FSIP2: variants seen among roughly 807,000 people sequenced by gnomAD.
FSIP2 encodes the protein fibrous sheath interacting protein 2.
FSIP2 carries 367 observed loss-of-function variants against 510.5 expected under a neutral mutation model. The observed-to-expected ratio is 0.72, with a 90% CI of 0.66 to 0.78. FSIP2 has a LOEUF of 0.78. FSIP2 is among the 30% of genes least tolerant of loss of function. The probability of loss-of-function intolerance (pLI) is 0.00; values close to 1 mark genes in which losing one functional copy is unlikely to be tolerated. For synonymous variants in FSIP2, 2,601 were observed against 2,732.2 expected, an observed-to-expected ratio of 0.95 and a Z score of 1.50; for missense variants, 7,594 against 7,901.7, an observed-to-expected ratio of 0.96 and a Z score of 1.48.
rs767939837 is a variant in FSIP2, at chr2:185,808,812, A to G, written c.19506A>G (p.Glu6502=). The change falls in exon 17 of 23, where the codon GAA becomes GAG. Residue 6502 remains glutamate, a synonymous_variant. Coordinates refer to ENST00000424728, the MANE Select transcript of FSIP2 (RefSeq NM_173651.4). ...AACATGCTTTTAATGTGATTCCTGA[A>G]TTAGAGCAAGAAAAGTTAGATCAAA... ...AQEHAFNVIP[E]LEQEKLDQNL... 10 of 1,612,926 alleles carry G rather than the reference A, an allele frequency of 6.2e-6. No homozygotes were observed. In the South Asian group the frequency reaches 8.8e-5, roughly 14 times the overall value.
chr2:185,793,604 C>T lies in FSIP2; in HGVS notation c.6468C>T (p.Ser2156=). The T allele has an allele frequency of 6.5e-7, 1 of 1,533,640 alleles. No homozygotes were observed. Among genetic ancestry groups the T allele is most frequent in the South Asian group, 1.2e-5 (1 of 84,004 alleles). The change falls in exon 16 of 23, where the codon TCC becomes TCT. Residue 2156 remains serine (S), a synonymous_variant. Transcript: ENST00000424728. The part of the protein sequence containing the change: ...SVPKSDVILI[S]NDIVNIVLHN... ...CTAAATCAGATGTCATTTTGATATC[C>T]AATGATATAGTGAATATTGTTCTTC...
Position 185,795,029 on chromosome 2 carries a change from C to T in FSIP2, c.7893C>T (p.Asp2631=). The change falls in exon 16 of 23, where the codon GAC becomes GAT. Residue 2631 remains aspartate (D), a synonymous_variant. Transcript: ENST00000424728. The stretch of plus-strand genomic sequence containing the variant: ...ATTTACCATTGCAAGTGAAGAAAGA[C>T]TTAATTCAAATGGTTCTCAATAAGA... ...LPYLPLQVKK[D]LIQMVLNKIT... 2 of 1,534,010 alleles carry T rather than the reference C, an allele frequency of 1.3e-6. No individual in the cohort carries two copies. Among genetic ancestry groups the T allele is most frequent in the Non-Finnish European group, 1.7e-6 (2 of 1,145,868 alleles).
At position 185,807,613 on chromosome 2, in the gene FSIP2, C is replaced by A. The variant is rs762581456; in HGVS notation, c.18307C>A (p.Gln6103Lys). ...LPQFGSQEIIQNCVTSGCKIL... is the reference protein window; with the variant it reads ...LPQFGSQEIIKNCVTSGCKIL... ...ACAGTTTGGATCACAAGAGATTATA[C>A]AAAATTGTGTAACCAGTGGATGCAA... Residue 6103 changes from glutamine (Q) to lysine (K), a missense_variant, in exon 17 of 23, where the codon CAA (glutamine) becomes AAA (lysine). Transcript: ENST00000424728. 6.2e-7 allele frequency: 1 copy of A among 1,612,760 alleles called. No homozygotes were observed. Among genetic ancestry groups the A allele is most frequent in the Non-Finnish European group, 8.5e-7 (1 of 1,179,268 alleles).
chr2:185,758,197 C>T (rs928150548), intron 9 of FSIP2, among the ~76,000 whole-genome samples: 1 of 151,084 alleles, frequency 6.6e-6, no homozygotes, highest in African/African-American at 2.4e-5. Flanking sequence ...ATGGATGCAC[C>T]AGTTTGTTTT....
chr2:185,804,958 T>A lies in FSIP2; in HGVS notation c.15652T>A (p.Ser5218Thr). 1 of 1,536,980 alleles carries A rather than the reference T, an allele frequency of 6.5e-7. No individual in the cohort carries two copies. The highest frequency in any genetic ancestry group is 2.4e-5 in the East Asian group (1 of 41,184). ...VQKDADKKGCSFLSKLAGFIM... is the reference protein window; with the variant it reads ...VQKDADKKGCTFLSKLAGFIM... ...AAAAGATGCAGACAAAAAAGGATGC[T>A]CATTCCTCAGTAAATTAGCTGGTTT... The change falls in exon 17 of 23, where the codon TCA (serine) becomes ACA (threonine). Residue 5218 changes from serine (S) to threonine (T), a missense_variant. By Grantham distance (58) the Ser-to-Thr change is moderately conservative (BLOSUM62 1). Coordinates refer to ENST00000424728, the MANE Select transcript of FSIP2 (RefSeq NM_173651.4).
At position 185,808,587 on chromosome 2, in the gene FSIP2, T is replaced by C. The variant is rs1274237351; in HGVS notation, c.19281T>C (p.Ser6427=). The C allele has an allele frequency of 1.9e-6, 3 of 1,610,446 alleles. No homozygotes were observed. Among genetic ancestry groups the C allele is most frequent in the East Asian group, 2.2e-5 (1 of 44,722 alleles). ...RIYQVVDSVY[S]NILQQSGTNK... ...ATCAGGTTGTCGATTCCGTTTATAG[T>C]AACATACTGCAACAATCAGGAACCA... Residue 6427 remains serine, a synonymous_variant, in exon 17 of 23, where the codon AGT becomes AGC. Coordinates refer to ENST00000424728, the MANE Select transcript of FSIP2 (RefSeq NM_173651.4).
chr2:185,771,714 C>G lies in FSIP2; in HGVS notation c.1411+7149C>G, dbSNP rs183369692. ...TTTTCCATTGTCTTGGTTGTTAACA[C>G]TTGGCCCCCTTTTAGTCATGCTAAT... On this transcript the variant is annotated intron_variant, in intron 13 of 22. Coordinates refer to ENST00000424728, the MANE Select transcript of FSIP2 (RefSeq NM_173651.4). 2.9e-4 allele frequency among the ~76,000 whole-genome samples: 44 copies of G among 152,304 alleles called. 1 individual carries two copies. The East Asian group carries it at 3.3e-3, about 11-fold the overall frequency.
chr2:185,776,048 T>C (rs1210057525), intron 13 of FSIP2, among the ~76,000 whole-genome samples: 1 of 152,154 alleles, frequency 6.6e-6, no homozygotes, highest in Non-Finnish European at 1.5e-5. Flanking sequence ...GACGGGTGCA[T>C]CGCTTGAGCT....
chr2:185,827,359 T>C (rs561855247), intron 20 of FSIP2, among the ~76,000 whole-genome samples: 1 of 151,922 alleles, frequency 6.6e-6, no homozygotes, highest in Non-Finnish European at 1.5e-5. Flanking sequence ...CATAGTTTTT[T>C]CTTATATGAT....
chr2:185,770,720 A>G (rs2105574951), intron 13 of FSIP2, among the ~76,000 whole-genome samples: 1 of 152,320 alleles, frequency 6.6e-6, no homozygotes, highest in East Asian at 1.9e-4. Flanking sequence ...TTTATATTGC[A>G]AAATACAATC....
rs1046696198 is a variant in FSIP2 at position 185,738,848 on chromosome 2, A to G, written c.-47A>G. The G allele has an allele frequency of 5.9e-6, 9 of 1,534,006 alleles. No individual in the cohort carries two copies. In the African/African-American group the frequency reaches 1.1e-4, roughly 19 times the overall value. ...CAGAGGGACAACGGGGTGCTAGAGA[A>G]GGAGAGCGGGGCGGGTGAGGAAGGG... On this transcript the variant is annotated 5_prime_UTR_variant, in exon 1 of 23. Coordinates refer to ENST00000424728, the MANE Select transcript of FSIP2 (RefSeq NM_173651.4).
Position 185,793,303 on chromosome 2 carries a change from A to G in FSIP2, c.6167A>G (p.Asp2056Gly). ...ATTATATCACGTAAAGGCAAATGTG[A>G]CAAAAACAGTTCTGACAAAGAGATC... Reference protein sequence around the residue: ...LDIISRKGKCDKNSSDKEIDL... With the variant: ...LDIISRKGKCGKNSSDKEIDL... Residue 2056 changes from aspartate to glycine, a missense_variant, in exon 16 of 23, where the codon GAC (aspartate) becomes GGC (glycine). Physicochemically the swap from Asp to Gly is moderately conservative, Grantham distance 94. Coordinates refer to ENST00000424728, the MANE Select transcript of FSIP2 (RefSeq NM_173651.4). The G allele has an allele frequency of 1.3e-6, 2 of 1,534,320 alleles. No individual in the cohort carries two copies. The highest frequency in any genetic ancestry group is 1.7e-6 in the Non-Finnish European group (2 of 1,145,650).
At chr2:185,774,442 CAG>C (rs1692674963) in intron 13 of FSIP2, among the ~76,000 whole-genome samples, 1 of 152,102 alleles carries the variant, frequency 6.6e-6, no homozygotes, top group Admixed American at 6.5e-5. Context: ...TCCCTTTGTG[CAG>C]AGAGTACATT....
Position 185,763,258 on chromosome 2 carries a change from C to G in FSIP2, c.1316C>G (p.Ser439Ter). 6.6e-7 allele frequency: 1 copy of G among 1,511,840 alleles called. No individual in the cohort carries two copies. Among genetic ancestry groups the G allele is most frequent in the East Asian group, 2.5e-5 (1 of 40,718 alleles). 93.7% of individuals were successfully genotyped at this position (1,511,840 alleles called of 1,614,324 possible). A position where few individuals can be genotyped will look rare whatever the true frequency, so the allele number is the denominator to read the frequency against. ...CCCACGAGAAATTTTTCCAGAGTTTCACAGGCATTTTTGGATCCTTCAAAA... is the reference window on the plus strand; with the variant it reads ...CCCACGAGAAATTTTTCCAGAGTTTGACAGGCATTTTTGGATCCTTCAAAA... ...VSPTRNFSRV[S>*]QAFLDPSKEE... The change falls in exon 12 of 23, where the codon TCA (serine) becomes TGA (stop). Residue 439 changes from serine to a stop codon, truncating the protein, a stop_gained. Coordinates refer to ENST00000424728, the MANE Select transcript of FSIP2 (RefSeq NM_173651.4). LOFTEE classifies it high-confidence loss of function.
In FSIP2 at chr2:185,807,578, A is replaced by G. The variant is rs1274567487; in HGVS notation, c.18272A>G (p.Asn6091Ser). ...TTAGTGGTTCAGTCTGTTTATAATA[A>G]TCTCTTGCCACAGTTTGGATCACAA... Reference protein sequence around the residue: ...IQLVVQSVYNNLLPQFGSQEI... With the variant: ...IQLVVQSVYNSLLPQFGSQEI... The change falls in exon 17 of 23, where the codon AAT becomes AGT. Residue 6091 changes from asparagine (N) to serine (S), a missense_variant. By Grantham distance (46) the Asn-to-Ser change is conservative (BLOSUM62 1). Transcript: ENST00000424728. 6.2e-7 allele frequency: 1 copy of G among 1,612,392 alleles called. No homozygotes were observed. The highest frequency in any genetic ancestry group is 8.5e-7 in the Non-Finnish European group (1 of 1,179,186).
In FSIP2 at chr2:185,794,862, T is replaced by C; in HGVS notation, c.7726T>C (p.Ser2576Pro). 6.5e-7 allele frequency: 1 copy of C among 1,533,252 alleles called. No homozygotes were observed. The allele number at this position is 1,533,252 out of a possible 1,614,324, so 95.0% of individuals were successfully genotyped here. A position where few individuals can be genotyped will look rare whatever the true frequency, so the allele number is the denominator to read the frequency against. The stretch of plus-strand genomic sequence containing the variant: ...AGTTGAAATATCTGACCACAATGAT[T>C]CCTTACTAATGAAACCATTAAGGTT... The part of the protein sequence containing the change: ...TEVEISDHND[S>P]LLMKPLRFRE... Residue 2576 changes from serine to proline, a missense_variant, in exon 16 of 23, where the codon TCC (serine) becomes CCC (proline). By Grantham distance (74) the Ser-to-Pro change is moderately conservative (BLOSUM62 -1). Transcript: ENST00000424728.
intron 13 of FSIP2, among the ~76,000 whole-genome samples, chr2:185,779,841 T>C (rs1466442702): frequency 1.3e-5 from 2 of 152,104 alleles, no homozygotes; most frequent in East Asian, 3.9e-4. Context: ...TGGGAGTAAA[T>C]TCTCAGATTT....
intron 6 of FSIP2, 112 bp downstream of exon 6, chr2:185,746,922 ATT>A: frequency 2.7e-6 from 2 of 744,604 alleles, no homozygotes; most frequent in Non-Finnish European, 2.0e-6. Context: ...GTTCAAAATA[ATT>A]TGTTACCATT....
In FSIP2 at chr2:185,806,052, AT is replaced by A; in HGVS notation, c.16747del (p.Tyr5583ThrfsTer6). ...TDKKGKDDEI[Y>X]THFSLIIDDT... ...ATAAAAAAGGGAAAGATGATGAGAT[AT>A]ACACACATTTTTCATTAATAATTGA... On this transcript the variant is annotated frameshift_variant, in exon 17 of 23. Coordinates refer to ENST00000424728, the MANE Select transcript of FSIP2 (RefSeq NM_173651.4). LOFTEE classifies it high-confidence loss of function. The A allele has an allele frequency of 5.1e-6, 8 of 1,560,110 alleles. No individual in the cohort carries two copies. The highest frequency in any genetic ancestry group is 6.1e-6 in the Non-Finnish European group (7 of 1,149,018).
Sources: gnomAD v4.1 joint callset for allele counts (sites outside exome capture counted in the v4.1 genomes callset) on GRCh38, gnomAD v4.1.1 for gene constraint, MANE v1.5 for transcripts, NCBI Gene and HGNC (gene_info 2026-07-23, HGNC 2026-07-21) for gene names.